The following ARFIP1 variants were observed in gnomAD, a reference collection of about 807,000 sequenced individuals.
ARFIP1 encodes the protein ARF interacting protein 1.
In ARFIP1, 24 loss-of-function variants were observed where a neutral mutation model predicts 42.5. That is an observed-to-expected ratio of 0.57 (90% confidence interval 0.41 to 0.80). ARFIP1 has a LOEUF of 0.80. ARFIP1 is among the 30% of genes least tolerant of loss of function. The probability of loss-of-function intolerance (pLI) is 0.00; values close to 1 mark genes in which losing one functional copy is unlikely to be tolerated. For missense variants in ARFIP1, 354 were observed against 434.0 expected (o/e 0.82, Z 1.64); for synonymous variants, 141 against 153.7 (o/e 0.92, Z 0.61).
At chr4:152,804,395 T>C (rs1186822646) in intron 1 of ARFIP1, among the ~76,000 whole-genome samples, 2 of 104,194 alleles carry the variant, frequency 1.9e-5, no homozygotes, top group Admixed American at 1.3e-4. Flanking sequence ...TATTATATAT[T>C]ATATATAATA....
chr4:152,794,445 TTG>T (rs1731313468), intron 1 of ARFIP1, among the ~76,000 whole-genome samples: 1 of 152,200 alleles, frequency 6.6e-6, no homozygotes, highest in African/African-American at 2.4e-5. Context: ...AAAAATGATG[TTG>T]TGTCTTTCTT....
intron 2 of ARFIP1, among the ~76,000 whole-genome samples, chr4:152,859,614 A>G (rs952872270): frequency 6.6e-6 from 1 of 151,934 alleles, no homozygotes; most frequent in African/African-American, 2.4e-5. Flanking sequence ...TCCTATCCCT[A>G]CTGAAGGTAC....
intron 8 of ARFIP1, among the ~76,000 whole-genome samples, chr4:152,899,487 A>G (rs1035459224): frequency 5.9e-5 from 9 of 152,342 alleles, no homozygotes; most frequent in African/African-American, 2.2e-4. Flanking sequence ...TATATCTCTC[A>G]TCTAATTGAT....
chr4:152,869,163 T>A (rs1734661299), intron 3 of ARFIP1, among the ~76,000 whole-genome samples: 1 of 152,220 alleles, frequency 6.6e-6, no homozygotes. Flanking sequence ...AGTTTCTATG[T>A]CAGAATTTAG....
intron 5 of ARFIP1, among the ~76,000 whole-genome samples, chr4:152,875,868 G>C (rs970724194): frequency 6.6e-6 from 1 of 151,878 alleles, no homozygotes; most frequent in Admixed American, 6.6e-5. Context: ...CATGGGAGCC[G>C]GTCTTTCCCA....
chr4:152,808,061 G>A (rs1334876510), intron 1 of ARFIP1, among the ~76,000 whole-genome samples: 1 of 151,936 alleles, frequency 6.6e-6, no homozygotes, highest in Admixed American at 6.6e-5. Flanking sequence ...GCTCACTGCA[G>A]CCTCCGCCTC....
intron 8 of ARFIP1, among the ~76,000 whole-genome samples, chr4:152,894,551 C>G (rs1561178158): frequency 1.3e-5 from 2 of 152,124 alleles, no homozygotes; most frequent in Admixed American, 1.3e-4. Flanking sequence ...AACAGTAGTA[C>G]TTCTTGGTGT....
At chr4:152,814,659 C>G (rs1471670198) in intron 1 of ARFIP1, among the ~76,000 whole-genome samples, 4 of 152,192 alleles carry the variant, frequency 2.6e-5, no homozygotes, top group Non-Finnish European at 5.9e-5. Flanking sequence ...TATTGCACTG[C>G]TAGCCAAGGG....
At chr4:152,889,578 AATATAT>A (rs1164663789) in intron 8 of ARFIP1, among the ~76,000 whole-genome samples, 1 of 103,640 alleles carries the variant, frequency 9.6e-6, no homozygotes, top group Admixed American at 1.0e-4. Flanking sequence ...TGTATATATA[AATATAT>A]ATACACATAA....
chr4:152,901,117 T>A (rs1217523003), intron 8 of ARFIP1, among the ~76,000 whole-genome samples: 1 of 152,256 alleles, frequency 6.6e-6, no homozygotes, highest in East Asian at 1.9e-4. Context: ...ATTGCTTTTT[T>A]AAACAAATTT....
In ARFIP1 at chr4:152,834,208, T is replaced by A. The variant is rs186623541; in HGVS notation, c.93+4482T>A. On this transcript the variant is annotated intron_variant, in intron 2 of 8. Transcript: ENST00000353617. ...GAATCCGCCCCCATGATCCAGTCAC[T>A]TCCCACAAGGCCCCACCTCTAACAT... Among the ~76,000 whole-genome samples, 35 of 152,256 alleles carry A rather than the reference T, an allele frequency of 2.3e-4. No individual in the cohort carries two copies. The East Asian group carries it at 6.4e-3, about 28-fold the overall frequency.
intron 8 of ARFIP1, among the ~76,000 whole-genome samples, chr4:152,908,748 C>T (rs550827899): frequency 1.3e-3 from 197 of 152,222 alleles, no homozygotes; most frequent in African/African-American, 4.3e-3. Flanking sequence ...TACCCTCTGT[C>T]AGGGCAGATT....
At chr4:152,882,611 A>G in intron 6 of ARFIP1, 112 bp from the exon 7 acceptor site, 2 of 1,031,884 alleles carry the variant, frequency 1.9e-6, no homozygotes, top group East Asian at 5.1e-5. Context: ...AAACTGCTAC[A>G]GCTAGATCTC....
intron 3 of ARFIP1, among the ~76,000 whole-genome samples, chr4:152,865,655 C>T (rs1310532424): frequency 3.3e-5 from 5 of 152,062 alleles, no homozygotes; most frequent in African/African-American, 9.7e-5. Context: ...GGAGCAATCA[C>T]GTCAGTGTCT....
intron 1 of ARFIP1, among the ~76,000 whole-genome samples, chr4:152,784,985 T>C (rs1730713770): frequency 6.6e-6 from 1 of 152,202 alleles, no homozygotes; most frequent in South Asian, 2.1e-4. Context: ...AAGCCCTAAA[T>C]CTTCCAGAGG....
intron 7 of ARFIP1, among the ~76,000 whole-genome samples, chr4:152,886,868 C>A (rs1244881950): frequency 6.6e-6 from 1 of 151,896 alleles, no homozygotes; most frequent in Non-Finnish European, 1.5e-5. Context: ...TCTTTTGACC[C>A]TGAAAGAGGC....
intron 1 of ARFIP1, among the ~76,000 whole-genome samples, chr4:152,818,002 G>A (rs1730043143): frequency 6.6e-6 from 1 of 152,204 alleles, no homozygotes; most frequent in Non-Finnish European, 1.5e-5. Context: ...GTGCACTGAT[G>A]GTGGAAATGT....
intron 1 of ARFIP1, among the ~76,000 whole-genome samples, chr4:152,823,702 A>G (rs1036965955): frequency 7.3e-6 from 1 of 136,286 alleles, no homozygotes; most frequent in African/African-American, 2.8e-5. Context: ...ACTTGAACCC[A>G]GGAGGCGGAG....
intron 2 of ARFIP1, among the ~76,000 whole-genome samples, chr4:152,857,572 G>A (rs1033105424): frequency 6.6e-6 from 1 of 152,152 alleles, no homozygotes. Context: ...CACAGTTCTT[G>A]CTTTGTATAG....
Sources: allele counts gnomAD v4.1 joint callset (sites outside exome capture counted in the v4.1 genomes callset), GRCh38; gene constraint gnomAD v4.1.1; transcripts MANE v1.5; gene names NCBI Gene and HGNC (gene_info 2026-07-23, HGNC 2026-07-21).